ZNF487: variants seen among roughly 807,000 people sequenced by gnomAD.
ZNF487 encodes the protein zinc finger protein 487.
In ZNF487, 4 loss-of-function variants were observed where a neutral mutation model predicts 3.0. The observed-to-expected ratio is 1.35, with a 90% confidence interval of 0.66 to 3.08. The LOEUF (loss-of-function observed/expected upper bound fraction) is 3.08. ZNF487 is among the 30% of genes most tolerant of loss of function. The pLI is 0.01. For missense variants in ZNF487, 146 were observed against 98.7 expected, an observed-to-expected ratio of 1.48 and a Z score of -2.03; for synonymous variants, 55 against 34.6, an observed-to-expected ratio of 1.59 and a Z score of -2.06.
At chr10:43,502,628 T>C in the ZNF487 span, among the ~76,000 whole-genome samples, 1 of 152,220 alleles carries the variant, frequency 6.6e-6, no homozygotes, top group Non-Finnish European at 1.5e-5. Flanking sequence ...GCACATACAA[T>C]GATGTATCAT....
intron 1 of ZNF487, among the ~76,000 whole-genome samples, chr10:43,463,359 G>A (rs539645319): frequency 2.6e-5 from 4 of 151,886 alleles, no homozygotes; most frequent in South Asian, 2.1e-4. Context: ...CCAACATGGC[G>A]AAACCCTGTC....
the ZNF487 span, among the ~76,000 whole-genome samples, chr10:43,503,611 G>T: frequency 2.0e-5 from 3 of 151,962 alleles, no homozygotes; most frequent in Admixed American, 1.3e-4. Flanking sequence ...TAGTCTTTTT[G>T]TTTATTTGTT....
At chr10:43,480,084 C>CCTTCTTTCTTTTCTTTTCT (rs1554800853) in intron 3 of ZNF487, among the ~76,000 whole-genome samples, 1 of 139,720 alleles carries the variant, frequency 7.2e-6, no homozygotes, top group African/African-American at 2.8e-5. Flanking sequence ...TTCCTTCCTT[C>CCTTCTTTCTTTTCTTTTCT]TTTCTTTTCT....
intron 1 of ZNF487, among the ~76,000 whole-genome samples, chr10:43,462,479 CAG>C: frequency 8.6e-6 from 1 of 116,318 alleles, no homozygotes; most frequent in Non-Finnish European, 1.7e-5. Flanking sequence ...TTTTTTGAGA[CAG>C]AGTCTCCCTC....
chr10:43,482,690 C>T lies in ZNF487; in HGVS notation c.*768C>T. 2.1e-6 allele frequency: 1 copy of T among 470,880 alleles called. No homozygotes were observed. The highest frequency in any genetic ancestry group is 1.6e-5 in the South Asian group (1 of 62,830). The allele number at this position is 470,880 out of a possible 1,614,324, so 29.2% of individuals were successfully genotyped here. A position where few individuals can be genotyped will look rare whatever the true frequency, so the allele number is the denominator to read the frequency against. ...AGTGTAAGGAATGTGGGAAAACTTT[C>T]TCCCAGAAGCCAAACTTCATTAATC... On this transcript the variant is annotated 3_prime_UTR_variant, in exon 4 of 4. Transcript: ENST00000437590.
intron 1 of ZNF487, among the ~76,000 whole-genome samples, chr10:43,445,388 T>C (rs1589021236): frequency 6.6e-6 from 1 of 152,184 alleles, no homozygotes; most frequent in East Asian, 1.9e-4. Flanking sequence ...TGGTATCTTA[T>C]TGGATGTTAG....
chr10:43,451,058 T>G (rs1014260224), intron 1 of ZNF487, among the ~76,000 whole-genome samples: 1 of 151,308 alleles, frequency 6.6e-6, no homozygotes, highest in South Asian at 2.1e-4. Flanking sequence ...AGGATTCTCC[T>G]GCCCCAGCCT....
chr10:43,505,988 C>T, the ZNF487 span, among the ~76,000 whole-genome samples: 2 of 152,206 alleles, frequency 1.3e-5, no homozygotes, highest in African/African-American at 4.8e-5. Flanking sequence ...TTTCAGTTGT[C>T]AAAAATGCAT....
intron 1 of ZNF487, chr10:43,453,186 C>T (rs1375508710): frequency 6.6e-6 from 1 of 151,988 alleles, no homozygotes; most frequent in Non-Finnish European, 1.5e-5. Context: ...TTATCTTTCC[C>T]AATCACTACA....
the ZNF487 span, among the ~76,000 whole-genome samples, chr10:43,496,312 T>C: frequency 1.1e-4 from 17 of 152,176 alleles, no homozygotes; most frequent in South Asian, 2.1e-4. Context: ...GAAACTTTTT[T>C]CCCCTCTCCT....
intron 1 of ZNF487, among the ~76,000 whole-genome samples, chr10:43,461,654 C>T (rs1200326324): frequency 2.0e-5 from 3 of 152,106 alleles, no homozygotes; most frequent in Admixed American, 2.0e-4. Context: ...ATGCCTGTTT[C>T]AGAAAACATG....
intron 1 of ZNF487, 138 bp from the exon 2 acceptor site, chr10:43,475,583 A>C: frequency 4.6e-6 from 3 of 650,312 alleles, no homozygotes; most frequent in Non-Finnish European, 8.5e-6. Context: ...TACAATGTAT[A>C]ATATCAATAG....
the ZNF487 span, among the ~76,000 whole-genome samples, chr10:43,509,167 G>GT: frequency 6.7e-6 from 1 of 149,162 alleles, no homozygotes; most frequent in African/African-American, 2.5e-5. Context: ...GCACTCCAGC[G>GT]TGGGTGACAG....
intron 1 of ZNF487, among the ~76,000 whole-genome samples, chr10:43,473,505 G>C (rs1312526621): frequency 6.6e-6 from 1 of 151,628 alleles, no homozygotes; most frequent in Non-Finnish European, 1.5e-5. Context: ...TTTTGTTTTT[G>C]ACATACCTTT....
At chr10:43,455,280 G>C (rs111369791) in intron 1 of ZNF487, among the ~76,000 whole-genome samples, 1 of 152,088 alleles carries the variant, frequency 6.6e-6, no homozygotes, top group South Asian at 2.1e-4. Flanking sequence ...CAAAGTGCTG[G>C]GTTTACAGGC....
the ZNF487 span, among the ~76,000 whole-genome samples, chr10:43,516,813 G>A: frequency 6.6e-6 from 1 of 152,140 alleles, no homozygotes; most frequent in Non-Finnish European, 1.5e-5. Flanking sequence ...CACACTCACT[G>A]ATACACTCAG....
chr10:43,502,556 A>G, the ZNF487 span, among the ~76,000 whole-genome samples: 1 of 152,156 alleles, frequency 6.6e-6, no homozygotes, highest in Non-Finnish European at 1.5e-5. Flanking sequence ...TAAATAACTC[A>G]TTATTCACGT....
At chr10:43,487,136 ATTTTTTTTTTTT>A (rs5784601), downstream of ZNF487, among the ~76,000 whole-genome samples, 1 of 120,652 alleles carries the variant, frequency 8.3e-6, no homozygotes, top group South Asian at 2.7e-4. Flanking sequence ...GTCACTAAGA[ATTTTTTTTTTTT>A]TTTTTTTTTG....
At chr10:43,483,729 T>C (rs1841444593), downstream of ZNF487, among the ~76,000 whole-genome samples, 1 of 152,218 alleles carries the variant, frequency 6.6e-6, no homozygotes, top group East Asian at 1.9e-4. Flanking sequence ...ATTTTCACTA[T>C]GTTGGCCAGG....
Sources: allele counts gnomAD v4.1 joint callset (sites outside exome capture counted in the v4.1 genomes callset), GRCh38; gene constraint gnomAD v4.1.1; transcripts MANE v1.5; gene names NCBI Gene and HGNC (gene_info 2026-07-23, HGNC 2026-07-21).